The following OR6C75 variants were observed in gnomAD, a reference collection of about 807,000 sequenced individuals.
The protein encoded by OR6C75 is olfactory receptor 6C75.
For missense variants in OR6C75, 380 were observed against 368.0 expected (o/e 1.03, Z -0.27); for synonymous variants, 149 against 130.6 (o/e 1.14, Z -0.96).
In OR6C75 at chr12:55,365,125, A is replaced by G; in HGVS notation, c.15A>G (p.Thr5=). Residue 5 remains threonine, a synonymous_variant, in exon 3 of 3, where the codon ACA becomes ACG. Coordinates refer to ENST00000641576, the MANE Select transcript of OR6C75 (RefSeq NM_001005497.2). The part of the protein sequence containing the change: MRNS[T]AVTDFILLGL... ...AGAAAAAAATAATGAGAAATTCCACAGCAGTAACAGACTTTATTCTTCTTG... is the reference window on the plus strand; with the variant it reads ...AGAAAAAAATAATGAGAAATTCCACGGCAGTAACAGACTTTATTCTTCTTG... 6.2e-7 allele frequency: 1 copy of G among 1,606,600 alleles called. No homozygotes were observed. The highest frequency in any genetic ancestry group is 8.5e-7 in the Non-Finnish European group (1 of 1,177,090).
rs1470135605 is a variant in OR6C75 at position 55,368,796 on chromosome 12, T to A, written c.*2747T>A. On this transcript the variant is annotated 3_prime_UTR_variant, in exon 3 of 3. Coordinates refer to ENST00000641576, the MANE Select transcript of OR6C75 (RefSeq NM_001005497.2). The stretch of plus-strand genomic sequence containing the variant: ...ACAGGTTTTCTAAGTCTGTGACAAA[T>A]ACTTTTTTTTATAGATGTGAGCGTC... The A allele has an allele frequency of 6.6e-6, 1 of 152,112 alleles. No homozygotes were observed. The highest frequency in any genetic ancestry group is 1.5e-5 in the Non-Finnish European group (1 of 68,022). 9.4% of individuals were successfully genotyped at this position (152,112 alleles called of 1,614,324 possible).
At position 55,366,015 on chromosome 12, in the gene OR6C75, TG is replaced by T; in HGVS notation, c.907del (p.Val303SerfsTer4). The T allele has an allele frequency of 6.2e-7, 1 of 1,600,832 alleles. No individual in the cohort carries two copies. Among genetic ancestry groups the T allele is most frequent in the Non-Finnish European group, 8.5e-7 (1 of 1,173,932 alleles). ...CAAGTGAAGCAAGCCTTCAAGAGCATGGTCCAGAAGATGATTTTTTCTTTAA... is the reference window on the plus strand; with the variant it reads ...CAAGTGAAGCAAGCCTTCAAGAGCATGTCCAGAAGATGATTTTTTCTTTAA... Reference protein sequence around the residue: ...NKQVKQAFKSMVQKMIFSLNK With the variant: ...NKQVKQAFKSXVQKMIFSLNK On this transcript the variant is annotated frameshift_variant, in exon 3 of 3. Transcript: ENST00000641576. LOFTEE classifies it high-confidence loss of function.
chr12:55,364,943 G>T lies in OR6C75; in HGVS notation c.-168G>T. 1 of 587,792 alleles carries T rather than the reference G, an allele frequency of 1.7e-6. No individual in the cohort carries two copies. Among genetic ancestry groups the T allele is most frequent in the Non-Finnish European group, 3.0e-6 (1 of 337,192 alleles). The allele number at this position is 587,792 out of a possible 1,614,324, so 36.4% of individuals were successfully genotyped here. On this transcript the variant is annotated 5_prime_UTR_variant, in exon 3 of 3. Transcript: ENST00000641576. ...CAGCCTCATAAAAGAAGGAGATACT[G>T]CCACACTGCCATTTGTGACATTACG...
At position 55,364,921 on chromosome 12, in the gene OR6C75, C is replaced by T. The variant is rs1221317771; in HGVS notation, c.-190C>T. On this transcript the variant is annotated 5_prime_UTR_variant, in exon 3 of 3. Coordinates refer to ENST00000641576, the MANE Select transcript of OR6C75 (RefSeq NM_001005497.2). ...CTAGACACAATGGAATGTTATCCAGCCTCATAAAAGAAGGAGATACTGCCA... is the reference window on the plus strand; with the variant it reads ...CTAGACACAATGGAATGTTATCCAGTCTCATAAAAGAAGGAGATACTGCCA... The T allele has an allele frequency of 1.8e-6, 1 of 570,628 alleles. No homozygotes were observed. Among genetic ancestry groups the T allele is most frequent in the East Asian group, 3.0e-5 (1 of 33,780 alleles). 35.3% of individuals were successfully genotyped at this position (570,628 alleles called of 1,614,324 possible).
rs1218823639 is a variant in OR6C75 at position 55,367,365 on chromosome 12, G to A, written c.*1316G>A. 6.6e-6 allele frequency: 1 copy of A among 152,102 alleles called. No homozygotes were observed. Among genetic ancestry groups the A allele is most frequent in the South Asian group, 2.1e-4 (1 of 4,826 alleles). 9.4% of individuals were successfully genotyped at this position (152,102 alleles called of 1,614,324 possible). ...GTTTAACATACACGAATCAATAAAT[G>A]TGATTCACCACATAAACAGAACTAA... On this transcript the variant is annotated 3_prime_UTR_variant, in exon 3 of 3. Coordinates refer to ENST00000641576, the MANE Select transcript of OR6C75 (RefSeq NM_001005497.2).
Position 55,365,926 on chromosome 12 carries a change from A to G in OR6C75, c.816A>G (p.Val272=), listed in dbSNP as rs1297471352. Residue 272 remains valine (V), a synonymous_variant, in exon 3 of 3, where the codon GTA becomes GTG. Coordinates refer to ENST00000641576, the MANE Select transcript of OR6C75 (RefSeq NM_001005497.2). ...ARERVTLSKG[V]AVLNTSVAPL... The stretch of plus-strand genomic sequence containing the variant: ...AAAGGGTGACTTTAAGCAAAGGAGT[A>G]GCTGTGCTCAATACCTCAGTGGCTC... 4 of 1,613,440 alleles carry G rather than the reference A, an allele frequency of 2.5e-6. No homozygotes were observed. Among genetic ancestry groups the G allele is most frequent in the Non-Finnish European group, 3.4e-6 (4 of 1,179,416 alleles).
rs936074780 is a variant in OR6C75, at chr12:55,366,366, G to T, written c.*317G>T. 1 of 188,366 alleles carries T rather than the reference G, an allele frequency of 5.3e-6. No homozygotes were observed. Among genetic ancestry groups the T allele is most frequent in the Admixed American group, 5.3e-5 (1 of 18,898 alleles). 11.7% of individuals were successfully genotyped at this position (188,366 alleles called of 1,614,324 possible). On this transcript the variant is annotated 3_prime_UTR_variant, in exon 3 of 3. Transcript: ENST00000641576. ...TTAGTGGGTGCAGCGCACCAGCATG[G>T]CACATGTATACATATGTAACTAACC...
chr12:55,367,438 AT>A lies in OR6C75; in HGVS notation c.*1390del, dbSNP rs770275212. 2.0e-4 allele frequency: 30 copies of A among 152,332 alleles called. No individual in the cohort carries two copies. The highest frequency in any genetic ancestry group is 9.6e-4 in the East Asian group (5 of 5,188). The allele number at this position is 152,332 out of a possible 1,614,324, so 9.4% of individuals were successfully genotyped here. ...TCAATAGACACAGAAAAAATAGTCA[AT>A]AAATCCAACATCCCTTTATGACAAA... On this transcript the variant is annotated 3_prime_UTR_variant, in exon 3 of 3. Coordinates refer to ENST00000641576, the MANE Select transcript of OR6C75 (RefSeq NM_001005497.2).
Position 55,365,468 on chromosome 12 carries a change from C to T in OR6C75, c.358C>T (p.Arg120Cys), listed in dbSNP as rs199828790. The change falls in exon 3 of 3, where the codon CGC becomes TGC. Residue 120 changes from arginine to cysteine, a missense_variant. Coordinates refer to ENST00000641576, the MANE Select transcript of OR6C75 (RefSeq NM_001005497.2). ...CCTTCTGGCTGCCATGTCCTATGAC[C>T]GCTGCATGGCCATCTGCAAACCTCT... ...FYLLAAMSYD[R>C]CMAICKPLHY... 19 of 1,613,824 alleles carry T rather than the reference C, an allele frequency of 1.2e-5. No homozygotes were observed. Among genetic ancestry groups the T allele is most frequent in the South Asian group, 7.7e-5 (7 of 91,078 alleles).
rs775388626 is a variant in OR6C75, at chr12:55,369,071, A to G, written c.*3022A>G. On this transcript the variant is annotated 3_prime_UTR_variant, in exon 3 of 3. Transcript: ENST00000641576. ...TCAGGAGTGTGGAAACAACATGCAA[A>G]CGTTAACTAAGTGAAGATAAAGTAT... The G allele has an allele frequency of 3.0e-4, 45 of 152,018 alleles. No individual in the cohort carries two copies. The highest frequency in any genetic ancestry group is 6.6e-4 in the Non-Finnish European group (45 of 67,950). 9.4% of individuals were successfully genotyped at this position (152,018 alleles called of 1,614,324 possible). A position where few individuals can be genotyped will look rare whatever the true frequency, so the allele number is the denominator to read the frequency against.
chr12:55,364,145 AT>A (rs562709235), intron 2 of OR6C75, among the ~76,000 whole-genome samples: 40 of 149,624 alleles, frequency 2.7e-4, no homozygotes, highest in Admixed American at 7.4e-4. Flanking sequence ...TGCCCGGCTA[AT>A]TTTTTTGTAT....
rs570392768 is a variant in OR6C75, at chr12:55,367,838, G to A, written c.*1789G>A. Reference sequence around the variant, plus strand: ...TAAAATCAACATAGAAAAGTCAGTAGCATTTCTATACACCAATAACATTCA... The same window carrying A: ...TAAAATCAACATAGAAAAGTCAGTAACATTTCTATACACCAATAACATTCA... On this transcript the variant is annotated 3_prime_UTR_variant, in exon 3 of 3. Transcript: ENST00000641576. The A allele has an allele frequency of 6.6e-6, 1 of 152,100 alleles. No individual in the cohort carries two copies. The highest frequency in any genetic ancestry group is 2.4e-5 in the African/African-American group (1 of 41,428). 9.4% of individuals were successfully genotyped at this position (152,100 alleles called of 1,614,324 possible). A position where few individuals can be genotyped will look rare whatever the true frequency, so the allele number is the denominator to read the frequency against.
In OR6C75 at chr12:55,365,137, C is replaced by T. The variant is rs779669359; in HGVS notation, c.27C>T (p.Asp9=). 16 of 1,611,886 alleles carry T rather than the reference C, an allele frequency of 9.9e-6. No homozygotes were observed. In the Admixed American group the frequency reaches 2.3e-4, roughly 24 times the overall value. The change falls in exon 3 of 3, where the codon GAC becomes GAT. Residue 9 remains aspartate (D), a synonymous_variant. Coordinates refer to ENST00000641576, the MANE Select transcript of OR6C75 (RefSeq NM_001005497.2). ...TGAGAAATTCCACAGCAGTAACAGA[C>T]TTTATTCTTCTTGGATTGACAAGTG... is the stretch of plus-strand genomic sequence containing the variant. The part of the protein sequence containing the change: MRNSTAVT[D]FILLGLTSDP...
In OR6C75 at chr12:55,365,011, A is replaced by C; in HGVS notation, c.-100A>C. ...TTATGGTAAATGGAAAGAGCCAGAC[A>C]GAAAAAAAATAATAATTTTCTTTAC... On this transcript the variant is annotated 5_prime_UTR_variant, in exon 3 of 3. Coordinates refer to ENST00000641576, the MANE Select transcript of OR6C75 (RefSeq NM_001005497.2). 1 of 782,136 alleles carries C rather than the reference A, an allele frequency of 1.3e-6. No individual in the cohort carries two copies. The highest frequency in any genetic ancestry group is 2.6e-5 in the East Asian group (1 of 39,024). 48.4% of individuals were successfully genotyped at this position (782,136 alleles called of 1,614,324 possible).
rs1447144613 is a variant in OR6C75, at chr12:55,367,023, T to C, written c.*974T>C. 6.6e-6 allele frequency: 1 copy of C among 152,244 alleles called. No individual in the cohort carries two copies. Among genetic ancestry groups the C allele is most frequent in the Non-Finnish European group, 1.5e-5 (1 of 68,038 alleles). 9.4% of individuals were successfully genotyped at this position (152,244 alleles called of 1,614,324 possible). A position where few individuals can be genotyped will look rare whatever the true frequency, so the allele number is the denominator to read the frequency against. ...GTAAGAGTCTACAATGGTGTGATACTGCCCTTTTATAAGGTATTCGGCGAA... is the reference window on the plus strand; with the variant it reads ...GTAAGAGTCTACAATGGTGTGATACCGCCCTTTTATAAGGTATTCGGCGAA... On this transcript the variant is annotated 3_prime_UTR_variant, in exon 3 of 3. Coordinates refer to ENST00000641576, the MANE Select transcript of OR6C75 (RefSeq NM_001005497.2).
In OR6C75 at chr12:55,365,392, G is replaced by A. The variant is rs113253007; in HGVS notation, c.282G>A (p.Gly94=). The A allele has an allele frequency of 1.4e-4, 225 of 1,614,040 alleles. No individual in the cohort carries two copies. The highest frequency in any genetic ancestry group is 1.9e-4 in the Non-Finnish European group (222 of 1,180,006). Residue 94 remains glycine (G), a synonymous_variant, in exon 3 of 3, where the codon GGG becomes GGA. Transcript: ENST00000641576. ...VTGNRTISYN[G]CVAQLFFFIF... The stretch of plus-strand genomic sequence containing the variant: ...GAAACAGAACCATTTCTTATAATGG[G>A]TGTGTGGCTCAGCTATTTTTTTTCA...
In OR6C75 at chr12:55,369,178, T is replaced by C. The variant is rs1310652822; in HGVS notation, c.*3129T>C. 1.3e-5 allele frequency: 2 copies of C among 151,412 alleles called. No individual in the cohort carries two copies. The highest frequency in any genetic ancestry group is 4.8e-5 in the African/African-American group (2 of 41,300). 9.4% of individuals were successfully genotyped at this position (151,412 alleles called of 1,614,324 possible). A position where few individuals can be genotyped will look rare whatever the true frequency, so the allele number is the denominator to read the frequency against. The stretch of plus-strand genomic sequence containing the variant: ...GAGGGAAAGAAGAGAAACTGGAAAA[T>C]TAGAGAGTAAGGGAAAGTAAATTTT... On this transcript the variant is annotated 3_prime_UTR_variant, in exon 3 of 3. Coordinates refer to ENST00000641576, the MANE Select transcript of OR6C75 (RefSeq NM_001005497.2).
rs575056656 is a variant in OR6C75 at position 55,367,886 on chromosome 12, G to A, written c.*1837G>A. On this transcript the variant is annotated 3_prime_UTR_variant, in exon 3 of 3. Transcript: ENST00000641576. ...TCAAGCTGAGAACCAAATAAAAAAC[G>A]CAATCTTGGCTGGGTGTGGTGGCTC... The A allele has an allele frequency of 3.3e-5, 5 of 152,154 alleles. No homozygotes were observed. In the South Asian group the frequency reaches 6.2e-4, roughly 19 times the overall value. 9.4% of individuals were successfully genotyped at this position (152,154 alleles called of 1,614,324 possible). A position where few individuals can be genotyped will look rare whatever the true frequency, so the allele number is the denominator to read the frequency against.
Position 55,365,619 on chromosome 12 carries a change from A to T in OR6C75, c.509A>T (p.Asn170Ile), listed in dbSNP as rs905007704. 6.2e-7 allele frequency: 1 copy of T among 1,613,892 alleles called. No individual in the cohort carries two copies. Among genetic ancestry groups the T allele is most frequent in the Non-Finnish European group, 8.5e-7 (1 of 1,180,012 alleles). Residue 170 changes from asparagine to isoleucine, a missense_variant, in exon 3 of 3, where the codon AAT becomes ATT. Transcript: ENST00000641576. The part of the protein sequence containing the change: ...LLLQLDFCAS[N>I]VIDHFICDSS... The stretch of plus-strand genomic sequence containing the variant: ...CTGCAGTTGGATTTCTGTGCCTCCA[A>T]TGTAATTGATCATTTTATCTGTGAC...
Sources: gnomAD v4.1 joint callset for allele counts (sites outside exome capture counted in the v4.1 genomes callset) on GRCh38, gnomAD v4.1.1 for gene constraint, MANE v1.5 for transcripts, NCBI Gene and HGNC (gene_info 2026-07-23, HGNC 2026-07-21) for gene names.